BTBD8: variants seen among roughly 807,000 people sequenced by gnomAD.
The protein encoded by BTBD8 is BTB domain containing 8, also known as BTB/POZ domain-containing protein 8.
BTBD8 carries 110 observed loss-of-function variants against 162.9 expected under a neutral mutation model. That is an observed-to-expected ratio of 0.68 (90% CI 0.58 to 0.79). The LOEUF (loss-of-function observed/expected upper bound fraction) is 0.79, where lower values mean the gene tolerates loss of function less well. BTBD8 is among the 30% of genes least tolerant of loss of function. BTBD8 has a pLI of 0.00. For missense variants in BTBD8, 1,905 were observed against 2,085.4 expected, an observed-to-expected ratio of 0.91 and a Z score of 1.68; for synonymous variants, 667 against 716.1, an observed-to-expected ratio of 0.93 and a Z score of 1.10.
rs953237461 is a variant in BTBD8, at chr1:92,182,512, G to A, written c.4829G>A (p.Arg1610Gln). 1.3e-5 allele frequency: 20 copies of A among 1,548,454 alleles called. No homozygotes were observed. The highest frequency in any genetic ancestry group is 8.2e-5 in the African/African-American group (6 of 72,846). ...TCTACAAAATCTCTAGACTCCTTTC[G>A]GAGTCAAGTTCTGCCTCAGGAAGGT... ...NSSTKSLDSF[R>Q]SQVLPQEGPV... The change falls in exon 17 of 18, where the codon CGG becomes CAG. Residue 1610 changes from arginine (R) to glutamine (Q), a missense_variant. Physicochemically the swap from Arg to Gln is conservative, Grantham distance 43. This residue lies in a region of BTBD8 where 517 missense variants were observed against 606.6 expected (regional missense o/e 0.85). Transcript: ENST00000636805.
chr1:92,104,491 A>G (rs867075527), intron 3 of BTBD8, among the ~76,000 whole-genome samples: 8 of 152,356 alleles, frequency 5.3e-5, no homozygotes, highest in Middle Eastern at 6.8e-3. Flanking sequence ...GAGGTCACAC[A>G]GAGCAATTGA....
At chr1:92,139,531 T>A in intron 6 of BTBD8, 101 bp downstream of exon 6, 1 of 1,479,758 alleles carries the variant, frequency 6.8e-7, no homozygotes, top group Non-Finnish European at 8.9e-7. Context: ...TTGCTTTTTA[T>A]AGTCTATTAT....
chr1:92,084,093 TC>T (rs903712325), intron 1 of BTBD8, among the ~76,000 whole-genome samples: 19 of 152,164 alleles, frequency 1.2e-4, no homozygotes, highest in Admixed American at 2.6e-4. Context: ...AGTTATTCCT[TC>T]CCTGCCAATT....
chr1:92,082,437 AT>A (rs1256427067), intron 1 of BTBD8, among the ~76,000 whole-genome samples: 1 of 152,198 alleles, frequency 6.6e-6, no homozygotes, highest in East Asian at 1.9e-4. Flanking sequence ...GAGAGAGGAA[AT>A]GGCTAAATAA....
At chr1:92,117,999 T>C (rs1649091991) in intron 4 of BTBD8, among the ~76,000 whole-genome samples, 1 of 152,022 alleles carries the variant, frequency 6.6e-6, no homozygotes, top group South Asian at 2.1e-4. Flanking sequence ...TTAGTTGGCC[T>C]TATTTTTTAG....
chr1:92,139,294 A>G (rs897218578), intron 5 of BTBD8, 56 bp from the exon 6 acceptor site: 4 of 1,508,374 alleles, frequency 2.7e-6, no homozygotes, highest in Non-Finnish European at 3.5e-6. Flanking sequence ...AATAGAATGA[A>G]TCATTGATAT....
intron 17 of BTBD8, 96 bp downstream of exon 17, chr1:92,182,691 T>C (rs1004815850): frequency 5.9e-6 from 4 of 678,208 alleles, no homozygotes; most frequent in South Asian, 8.1e-5. Flanking sequence ...TTTAGTCAGA[T>C]AGAATAATTA....
chr1:92,144,908 T>C (rs1649873848), intron 7 of BTBD8, among the ~76,000 whole-genome samples: 1 of 152,068 alleles, frequency 6.6e-6, no homozygotes, highest in South Asian at 2.1e-4. Flanking sequence ...GGGATCTTAA[T>C]TGTTTAAGTT....
intron 4 of BTBD8, among the ~76,000 whole-genome samples, chr1:92,127,805 C>T (rs1372052252): frequency 6.6e-6 from 1 of 151,914 alleles, no homozygotes; most frequent in African/African-American, 2.4e-5. Flanking sequence ...AAGTGATCCG[C>T]CCGCCATGGC....
chr1:92,154,948 C>T (rs988870235), intron 9 of BTBD8, among the ~76,000 whole-genome samples: 39 of 152,190 alleles, frequency 2.6e-4, no homozygotes, highest in Non-Finnish European at 3.5e-4. Context: ...GTATGTTGTA[C>T]GATAAGGGTG....
intron 1 of BTBD8, 124 bp from the exon 2 acceptor site, chr1:92,088,574 G>C (rs977390827): frequency 1.4e-6 from 1 of 719,280 alleles, no homozygotes; most frequent in African/African-American, 1.8e-5. Flanking sequence ...ACTCATTTTT[G>C]TATTAACTTT....
At chr1:92,132,898 A>G (rs1335102875) in intron 5 of BTBD8, among the ~76,000 whole-genome samples, 1 of 152,180 alleles carries the variant, frequency 6.6e-6, no homozygotes, top group Admixed American at 6.5e-5. Context: ...TAAAAGAAGA[A>G]TCACCTGGTG....
intron 13 of BTBD8, among the ~76,000 whole-genome samples, chr1:92,172,015 C>T (rs111462559): frequency 0.016 from 2,368 of 152,092 alleles, 73 homozygotes; most frequent in African/African-American, 0.053. Context: ...TGCTTGTACC[C>T]GGGAGGCAGA....
chr1:92,138,312 T>C (rs1009449422), intron 5 of BTBD8, among the ~76,000 whole-genome samples: 1 of 152,230 alleles, frequency 6.6e-6, no homozygotes, highest in Non-Finnish European at 1.5e-5. Context: ...GTATTTTAAA[T>C]AGTTTTGTGA....
intron 2 of BTBD8, among the ~76,000 whole-genome samples, chr1:92,092,511 C>T (rs977446168): frequency 1.3e-5 from 2 of 152,154 alleles, no homozygotes; most frequent in African/African-American, 4.8e-5. Flanking sequence ...AAGCCCTCAC[C>T]AGAACCCAAC....
At chr1:92,114,619 A>C (rs764099821) in intron 4 of BTBD8, among the ~76,000 whole-genome samples, 1 of 152,044 alleles carries the variant, frequency 6.6e-6, no homozygotes, top group Non-Finnish European at 1.5e-5. Context: ...TTAGTACATT[A>C]AATATTCATT....
intron 9 of BTBD8, among the ~76,000 whole-genome samples, chr1:92,159,387 G>A (rs1237511823): frequency 6.6e-6 from 1 of 151,812 alleles, no homozygotes. Context: ...ATATTGCTCA[G>A]GCTGGTCTCG....
chr1:92,091,521 C>T (rs949420823), intron 2 of BTBD8, among the ~76,000 whole-genome samples: 4 of 151,528 alleles, frequency 2.6e-5, no homozygotes, highest in South Asian at 2.1e-4. Flanking sequence ...TGCTGTGTTT[C>T]GTAGGCTGGT....
intron 7 of BTBD8, among the ~76,000 whole-genome samples, chr1:92,144,255 T>A (rs1570743201): frequency 2.0e-5 from 3 of 151,910 alleles, no homozygotes; most frequent in Admixed American, 6.6e-5. Flanking sequence ...ATTACAGGAG[T>A]GAGCCACTGT....
Sources: gnomAD v4.1 joint callset for allele counts (sites outside exome capture counted in the v4.1 genomes callset) on GRCh38, gnomAD v4.1.1 for gene constraint, gnomAD v4.1.1 regional missense constraint, MANE v1.5 for transcripts, NCBI Gene and HGNC (gene_info 2026-07-23, HGNC 2026-07-21) for gene names.